Variants in SPATA6 observed in about 807,000 individuals in gnomAD.
SPATA6 encodes the protein spermatogenesis-associated protein 6.
In SPATA6, 56 loss-of-function variants were observed where a neutral mutation model predicts 65.3. The observed-to-expected ratio is 0.86, with a 90% CI of 0.69 to 1.07. SPATA6 has a LOEUF of 1.07. Among genes scored for constraint, SPATA6 ranks in the 50% least tolerant of loss-of-function variants. SPATA6 has a pLI of 0.00. For missense variants in SPATA6, 590 were observed against 594.8 expected, an observed-to-expected ratio of 0.99 and a Z score of 0.08; for synonymous variants, 199 against 213.2, an observed-to-expected ratio of 0.93 and a Z score of 0.58.
At chr1:48,372,631 T>C (rs1311316281) in intron 9 of SPATA6, among the ~76,000 whole-genome samples, 1 of 152,242 alleles carries the variant, frequency 6.6e-6, no homozygotes, top group Non-Finnish European at 1.5e-5. Context: ...GTAGGGACTC[T>C]GTGTGGGGGC....
chr1:48,439,625 T>A lies in SPATA6; in HGVS notation c.238+11927A>T, dbSNP rs565474058. Among the ~76,000 whole-genome samples the A allele has an allele frequency of 2.6e-5, 4 of 152,328 alleles. No homozygotes were observed. In the South Asian group the frequency reaches 8.3e-4, roughly 32 times the overall value. On this transcript the variant is annotated intron_variant, in intron 3 of 12. Transcript: ENST00000371847. ...GCAGGGTCCAGGGACCGTTGTAGGTTCTTGGGCAAGAGGGGAAAACAAACA... is the reference window on the plus strand; with the variant it reads ...GCAGGGTCCAGGGACCGTTGTAGGTACTTGGGCAAGAGGGGAAAACAAACA...
intron 9 of SPATA6, among the ~76,000 whole-genome samples, chr1:48,376,071 C>G (rs1180000187): frequency 6.6e-6 from 1 of 152,172 alleles, no homozygotes; most frequent in African/African-American, 2.4e-5. Context: ...CCTTCACATT[C>G]TAATTTGAAA....
rs1650931752 is a variant in SPATA6 at position 48,399,420 on chromosome 1, C to CA, written c.710dup (p.Ala238GlyfsTer9). 1.2e-6 allele frequency: 2 copies of CA among 1,613,102 alleles called. No homozygotes were observed. Among genetic ancestry groups the CA allele is most frequent in the South Asian group, 2.2e-5 (2 of 91,038 alleles). On this transcript the variant is annotated frameshift_variant, in exon 7 of 13. Coordinates refer to ENST00000371847, the MANE Select transcript of SPATA6 (RefSeq NM_019073.4). LOFTEE classifies it high-confidence loss of function. Reference sequence around the variant, plus strand: ...CATAGGGTCCCAGATTTAAATGGGCCAGCCGCCGCCTGGTGTCTTCAGATA... The same window carrying CA: ...CATAGGGTCCCAGATTTAAATGGGCCAAGCCGCCGCCTGGTGTCTTCAGATA...
At chr1:48,316,409 C>A (rs1258633745) in intron 11 of SPATA6, among the ~76,000 whole-genome samples, 2 of 151,952 alleles carry the variant, frequency 1.3e-5, no homozygotes, top group Admixed American at 1.3e-4. Flanking sequence ...CTTTGACAAA[C>A]GTGACAAAAA....
the SPATA6 span, among the ~76,000 whole-genome samples, chr1:48,273,955 C>G: frequency 6.6e-6 from 1 of 152,140 alleles, no homozygotes; most frequent in Non-Finnish European, 1.5e-5. Flanking sequence ...TTACACTCCC[C>G]CCAACAGTGT....
chr1:48,435,921 G>T, intron 3 of SPATA6: 1 of 1,553,284 alleles, frequency 6.4e-7, no homozygotes, highest in African/African-American at 1.4e-5. Flanking sequence ...GCCTTCTTTG[G>T]AATAGATGGA....
chr1:48,395,445 G>A (rs1015052441), intron 7 of SPATA6, 91 bp from the exon 8 acceptor site: 6 of 767,844 alleles, frequency 7.8e-6, no homozygotes, highest in South Asian at 4.5e-5. Flanking sequence ...AGAGTACAGA[G>A]AGCATATATA....
intron 9 of SPATA6, among the ~76,000 whole-genome samples, chr1:48,376,239 C>T (rs1647891381): frequency 6.6e-6 from 1 of 152,056 alleles, no homozygotes; most frequent in African/African-American, 2.4e-5. Context: ...CAGAATGGGA[C>T]AAGTGTCATG....
At chr1:48,322,620 G>T (rs1326366848) in intron 11 of SPATA6, among the ~76,000 whole-genome samples, 1 of 152,220 alleles carries the variant, frequency 6.6e-6, no homozygotes, top group Non-Finnish European at 1.5e-5. Flanking sequence ...ACTGTCATCA[G>T]TGTGAACAGG....
chr1:48,382,619 C>T (rs1253987443), intron 9 of SPATA6, among the ~76,000 whole-genome samples: 24 of 60,138 alleles, frequency 4.0e-4, no homozygotes, highest in East Asian at 2.2e-3. Context: ...CCGGACGGGG[C>T]GGCTGGCCGA....
intron 12 of SPATA6, among the ~76,000 whole-genome samples, chr1:48,300,003 A>T (rs941600518): frequency 1.3e-5 from 2 of 152,150 alleles, no homozygotes; most frequent in African/African-American, 4.8e-5. Context: ...GGTCTTAAGG[A>T]AAAAAGAAGG....
At position 48,411,562 on chromosome 1, in the gene SPATA6, C is replaced by T. The variant is rs760732447; in HGVS notation, c.307G>A (p.Glu103Lys). ...PVGETLSTYD[E>K]NTRDFMFPGP... Reference sequence around the variant, plus strand: ...GGAAACATGAAATCTCGTGTATTTTCGTCATACGTAGACAGTGTTTCACCC... The same window carrying T: ...GGAAACATGAAATCTCGTGTATTTTTGTCATACGTAGACAGTGTTTCACCC... Residue 103 changes from glutamate to lysine, a missense_variant, in exon 5 of 13, where the codon GAA (glutamate) becomes AAA (lysine). By Grantham distance (56) the Glu-to-Lys change is moderately conservative (BLOSUM62 1). Coordinates refer to ENST00000371847, the MANE Select transcript of SPATA6 (RefSeq NM_019073.4). 8.1e-6 allele frequency: 13 copies of T among 1,608,382 alleles called. No individual in the cohort carries two copies. Among genetic ancestry groups the T allele is most frequent in the Non-Finnish European group, 1.0e-5 (12 of 1,177,452 alleles).
the SPATA6 span, among the ~76,000 whole-genome samples, chr1:48,288,691 A>C: frequency 3.9e-5 from 6 of 152,196 alleles, no homozygotes; most frequent in Non-Finnish European, 8.8e-5. Context: ...GCACACCAGG[A>C]TATTACATCC....
the SPATA6 span, among the ~76,000 whole-genome samples, chr1:48,288,781 G>A: frequency 6.6e-6 from 1 of 152,212 alleles, no homozygotes; most frequent in East Asian, 1.9e-4. Context: ...ACTGCAAGGT[G>A]GCAGCAAGGC....
intron 11 of SPATA6, among the ~76,000 whole-genome samples, chr1:48,334,944 T>A (rs1169848704): frequency 6.6e-6 from 1 of 152,126 alleles, no homozygotes; most frequent in Non-Finnish European, 1.5e-5. Flanking sequence ...AGCTTTGGGA[T>A]ACAAAATCAA....
intron 11 of SPATA6, among the ~76,000 whole-genome samples, chr1:48,326,997 A>T (rs1395401484): frequency 6.6e-6 from 1 of 152,166 alleles, no homozygotes; most frequent in Non-Finnish European, 1.5e-5. Context: ...ACAAAAATAG[A>T]CAAATAGGAC....
At chr1:48,469,621 A>G (rs971573928) in intron 1 of SPATA6, among the ~76,000 whole-genome samples, 2 of 152,090 alleles carry the variant, frequency 1.3e-5, no homozygotes, top group African/African-American at 4.8e-5. Context: ...TTCTCTGAGT[A>G]TATCATGTTA....
At chr1:48,343,637 T>G (rs1412560860) in intron 11 of SPATA6, among the ~76,000 whole-genome samples, 2 of 152,120 alleles carry the variant, frequency 1.3e-5, no homozygotes, top group Non-Finnish European at 2.9e-5. Context: ...AAACTGAACT[T>G]GATTAAGCCT....
At position 48,428,341 on chromosome 1, in the gene SPATA6, C is replaced by T. The variant is rs1654034605; in HGVS notation, c.239-15190G>A. On this transcript the variant is annotated intron_variant, in intron 3 of 12. Transcript: ENST00000371847. ...TGGTGGCACATGCCTGTAATTCCAG[C>T]TACTCTGAAGCCTGAGGCAGGAGAA... Among the ~76,000 whole-genome samples the T allele has an allele frequency of 2.0e-5, 3 of 152,172 alleles. No individual in the cohort carries two copies. The South Asian group carries it at 6.2e-4, about 32-fold the overall frequency.
Sources: gnomAD v4.1 joint callset for allele counts (sites outside exome capture counted in the v4.1 genomes callset) on GRCh38, gnomAD v4.1.1 for gene constraint, MANE v1.5 for transcripts, NCBI Gene and HGNC (gene_info 2026-07-23, HGNC 2026-07-21) for gene names.